ARPP21: variants seen among roughly 807,000 people sequenced by gnomAD.
ARPP21 encodes cAMP regulated phosphoprotein 21.
A neutral mutation model predicts 113.2 loss-of-function variants in ARPP21; 69 were observed. The observed-to-expected ratio is 0.61, with a 90% confidence interval of 0.50 to 0.74. The LOEUF (loss-of-function observed/expected upper bound fraction) is 0.74. ARPP21 is among the 30% of genes least tolerant of loss of function. ARPP21 has a pLI of 0.00. For missense variants in ARPP21, 1,070 were observed against 1,037.4 expected (o/e 1.03, Z -0.43); for synonymous variants, 368 against 375.5 (o/e 0.98, Z 0.23).
rs539499866 is a variant in ARPP21, at chr3:35,695,948, G to T, written c.686+4943G>T. Among the ~76,000 whole-genome samples the T allele has an allele frequency of 1.1e-4, 16 of 151,646 alleles. No individual in the cohort carries two copies. In the South Asian group the frequency reaches 1.7e-3, roughly 16 times the overall value. ...TCATACTGCTGCACAGTGGCAGCAG[G>T]ATGCTAATTCAGGATATTTGACCTC... On this transcript the variant is annotated intron_variant, in intron 9 of 20. Transcript: ENST00000684406.
At chr3:35,777,810 G>T (rs996378359) in intron 19 of ARPP21, among the ~76,000 whole-genome samples, 1 of 152,128 alleles carries the variant, frequency 6.6e-6, no homozygotes, top group African/African-American at 2.4e-5. Context: ...TGCTTGAGAT[G>T]AATCATAATT....
In ARPP21 at chr3:35,721,593, GT is replaced by G. The variant is rs2150311678; in HGVS notation, c.996-11del. 1.3e-6 allele frequency: 2 copies of G among 1,503,514 alleles called. No homozygotes were observed. The highest frequency in any genetic ancestry group is 4.5e-5 in the East Asian group (2 of 44,302). 93.1% of individuals were successfully genotyped at this position (1,503,514 alleles called of 1,614,324 possible). A position where few individuals can be genotyped will look rare whatever the true frequency, so the allele number is the denominator to read the frequency against. On this transcript the variant is annotated splice_polypyrimidine_tract_variant and intron_variant, in intron 13 of 20. Transcript: ENST00000684406. ...CCTGTCCCTGTGCATCTTTCTGGTG[GT>G]CGTACTCCAGGGGCAACAGAGATGG...
intron 5 of ARPP21, 118 bp from the exon 6 acceptor site, chr3:35,687,618 TAGA>T: frequency 1.2e-6 from 1 of 858,250 alleles, no homozygotes; most frequent in East Asian, 2.9e-5. Flanking sequence ...TTTTACCATT[TAGA>T]AAAAAAAAAT....
At chr3:35,751,667 G>T (rs1243453091) in intron 19 of ARPP21, among the ~76,000 whole-genome samples, 1 of 152,058 alleles carries the variant, frequency 6.6e-6, no homozygotes, top group Non-Finnish European at 1.5e-5. Flanking sequence ...GAATATAAAT[G>T]GAGTTTAAAT....
intron 19 of ARPP21, among the ~76,000 whole-genome samples, chr3:35,762,150 A>G (rs1191176764): frequency 6.6e-6 from 1 of 151,292 alleles, no homozygotes; most frequent in Non-Finnish European, 1.5e-5. Context: ...ACACACACAC[A>G]CACACGCTTT....
intron 5 of ARPP21, among the ~76,000 whole-genome samples, chr3:35,686,910 G>A (rs1034939544): frequency 6.6e-5 from 10 of 151,330 alleles, no homozygotes; most frequent in Non-Finnish European, 1.2e-4. Context: ...TATTTTCAGT[G>A]CAAAATAAAT....
At chr3:35,693,662 T>C (rs2082927854) in intron 9 of ARPP21, among the ~76,000 whole-genome samples, 1 of 151,746 alleles carries the variant, frequency 6.6e-6, no homozygotes, top group African/African-American at 2.4e-5. Flanking sequence ...CAAAACATTC[T>C]ATTTAAGTTC....
Position 35,745,380 on chromosome 3 carries a change from T to C in ARPP21, c.2137+1415T>C, listed in dbSNP as rs546106437. On this transcript the variant is annotated intron_variant, in intron 19 of 20. Transcript: ENST00000684406. Reference sequence around the variant, plus strand: ...GGTTAATTTACAATCTTGAGGATCTTGGTTTAGAGGCTATGTGCAAGTTTT... The same window carrying C: ...GGTTAATTTACAATCTTGAGGATCTCGGTTTAGAGGCTATGTGCAAGTTTT... Among the ~76,000 whole-genome samples, 73 of 152,350 alleles carry C rather than the reference T, an allele frequency of 4.8e-4. No homozygotes were observed. The South Asian group carries it at 0.015, about 31-fold the overall frequency.
intron 19 of ARPP21, among the ~76,000 whole-genome samples, chr3:35,756,085 C>A (rs1358371916): frequency 1.3e-5 from 2 of 151,992 alleles, no homozygotes; most frequent in East Asian, 3.9e-4. Context: ...TACTCATTAC[C>A]TCCTAGTTTG....
At chr3:35,744,266 C>A (rs139316159) in intron 19 of ARPP21, among the ~76,000 whole-genome samples, 108 of 152,268 alleles carry the variant, frequency 7.1e-4, no homozygotes, top group African/African-American at 2.5e-3. Context: ...TTCATACCTT[C>A]TTTTAATTTT....
intron 14 of ARPP21, among the ~76,000 whole-genome samples, chr3:35,726,704 G>T (rs2093566319): frequency 6.6e-6 from 1 of 152,156 alleles, no homozygotes; most frequent in African/African-American, 2.4e-5. Context: ...CAGTCTGTCT[G>T]CATCAACCCA....
chr3:35,686,898 T>A (rs758399492), intron 5 of ARPP21, among the ~76,000 whole-genome samples: 11 of 151,506 alleles, frequency 7.3e-5, no homozygotes, highest in Admixed American at 2.6e-4. Context: ...TACAAAATAA[T>A]CTATTTTCAG....
At chr3:35,661,548 G>T (rs764743755) in intron 1 of ARPP21, among the ~76,000 whole-genome samples, 8 of 152,130 alleles carry the variant, frequency 5.3e-5, no homozygotes, top group Non-Finnish European at 7.4e-5. Context: ...TTCTCTGCAT[G>T]GAGTATAGAA....
intron 9 of ARPP21, among the ~76,000 whole-genome samples, chr3:35,701,395 A>T (rs1312051757): frequency 1.3e-5 from 2 of 151,674 alleles, no homozygotes; most frequent in Non-Finnish European, 3.0e-5. Flanking sequence ...TATATAGGTA[A>T]ACTTGAAGAA....
chr3:35,777,744 C>T (rs1432029232), intron 19 of ARPP21, among the ~76,000 whole-genome samples: 1 of 152,142 alleles, frequency 6.6e-6, no homozygotes, highest in African/African-American at 2.4e-5. Context: ...TGATCTCAGC[C>T]ATCTGGTTCT....
intron 13 of ARPP21, among the ~76,000 whole-genome samples, chr3:35,720,833 T>C (rs542637078): frequency 6.6e-6 from 1 of 152,384 alleles, no homozygotes; most frequent in African/African-American, 2.4e-5. Flanking sequence ...TTTTTTCTAT[T>C]TGAAGTTTGA....
At chr3:35,752,275 G>A (rs1380345987) in intron 19 of ARPP21, among the ~76,000 whole-genome samples, 1 of 151,926 alleles carries the variant, frequency 6.6e-6, no homozygotes, top group East Asian at 1.9e-4. Flanking sequence ...ACAGCACTCT[G>A]ACCTTTTGGA....
At chr3:35,763,034 G>T (rs1420500867) in intron 19 of ARPP21, among the ~76,000 whole-genome samples, 1 of 152,106 alleles carries the variant, frequency 6.6e-6, no homozygotes, top group Non-Finnish European at 1.5e-5. Context: ...GGAGAATTGA[G>T]TCAGAGGCTA....
chr3:35,694,690 G>C lies in ARPP21; in HGVS notation c.686+3685G>C, dbSNP rs2083295176. 3.3e-5 allele frequency among the ~76,000 whole-genome samples: 5 copies of C among 150,960 alleles called. No homozygotes were observed. In the South Asian group the frequency reaches 1.0e-3, roughly 31 times the overall value. On this transcript the variant is annotated intron_variant, in intron 9 of 20. Coordinates refer to ENST00000684406, the MANE Select transcript of ARPP21 (RefSeq NM_001385562.1). ...AATTATTGAGCAGAGCCTTCAAGAAGAGTCCCTGGATTGGCTAAAAATTGC... is the reference window on the plus strand; with the variant it reads ...AATTATTGAGCAGAGCCTTCAAGAACAGTCCCTGGATTGGCTAAAAATTGC...
Sources: gnomAD v4.1 joint callset for allele counts (sites outside exome capture counted in the v4.1 genomes callset) on GRCh38, gnomAD v4.1.1 for gene constraint, MANE v1.5 for transcripts, NCBI Gene and HGNC (gene_info 2026-07-23, HGNC 2026-07-21) for gene names.